Variants in CHD8 observed in about 807,000 individuals in gnomAD.
The protein encoded by CHD8 is chromodomain helicase DNA binding protein 8.
In CHD8, 31 loss-of-function variants were observed where a neutral mutation model predicts 279.2. The ratio of observed to expected loss-of-function variants is 0.11; its 90% CI spans 0.08 to 0.15. The LOEUF is 0.15. CHD8 is among the 10% of genes least tolerant of loss of function. The pLI, the probability that CHD8 is intolerant of heterozygous loss-of-function variation, is 1.00. For synonymous variants in CHD8, 1,081 were observed against 1,139.6 expected (o/e 0.95, Z 1.04); for missense variants, 2,146 against 3,230.5 (o/e 0.66, Z 8.14).
rs1026745828 is a variant in CHD8, at chr14:21,400,855, A to G, written c.4370+20T>C. Reference sequence around the variant, plus strand: ...GGAGATGCACTATGCACTACCTCTAATGGTAAGTTGGGGTCTTACCCATAT... The same window carrying G: ...GGAGATGCACTATGCACTACCTCTAGTGGTAAGTTGGGGTCTTACCCATAT... On this transcript the variant is annotated intron_variant, in intron 22 of 37. Coordinates refer to ENST00000646647, the MANE Select transcript of CHD8 (RefSeq NM_001170629.2). The surrounding 1 kb of genome is among the most constrained non-coding windows in gnomAD (Gnocchi z 4.2). 12 of 1,584,668 alleles carry G rather than the reference A, an allele frequency of 7.6e-6. No individual in the cohort carries two copies. The highest frequency in any genetic ancestry group is 3.6e-5 in the Admixed American group (2 of 55,048).
intron 10 of CHD8, among the ~76,000 whole-genome samples, chr14:21,410,885 C>A (rs1888463938): frequency 6.6e-6 from 1 of 152,146 alleles, no homozygotes; most frequent in Non-Finnish European, 1.5e-5. Flanking sequence ...CATAGTAACT[C>A]AGGTCACTCT....
intron 5 of CHD8, among the ~76,000 whole-genome samples, chr14:21,424,723 G>A (rs184158739): frequency 2.6e-4 from 40 of 152,152 alleles, no homozygotes; most frequent in African/African-American, 8.9e-4. Context: ...TGCCCGCCTC[G>A]GCCTCCCAAA....
At position 21,431,604 on chromosome 14, in the gene CHD8, A is replaced by T; in HGVS notation, c.40T>A (p.Leu14Ile). Residue 14 changes from leucine (L) to isoleucine (I), a missense_variant, in exon 2 of 38, where the codon TTA (leucine) becomes ATA (isoleucine). This residue lies in a region of CHD8 where 302 missense variants were observed against 325.5 expected (regional missense o/e 0.93). Coordinates refer to ENST00000646647, the MANE Select transcript of CHD8 (RefSeq NM_001170629.2). ...TCAGTCAGAGAGTCCAGGCCAAATAAATTTGGGTCATCGAACAGATCCATG... is the reference window on the plus strand; with the variant it reads ...TCAGTCAGAGAGTCCAGGCCAAATATATTTGGGTCATCGAACAGATCCATG... Reference protein sequence around the residue: ...PIMDLFDDPNLFGLDSLTDDS... With the variant: ...PIMDLFDDPNIFGLDSLTDDS... 6.5e-7 allele frequency: 1 copy of T among 1,537,450 alleles called. No individual in the cohort carries two copies. The highest frequency in any genetic ancestry group is 1.2e-5 in the South Asian group (1 of 84,080).
Position 21,385,370 on chromosome 14 carries a change from T to TA in CHD8, c.*242dup. ...GGAGGGGTGAGCACACCAGCTGCTC[T>TA]AGTCTCCTTTCCTTCCCCAGAAATG... On this transcript the variant is annotated 3_prime_UTR_variant, in exon 38 of 38. Transcript: ENST00000646647. 1.7e-6 allele frequency: 1 copy of TA among 585,998 alleles called. No individual in the cohort carries two copies. Among genetic ancestry groups the TA allele is most frequent in the East Asian group, 3.1e-5 (1 of 32,364 alleles). The allele number at this position is 585,998 out of a possible 1,614,324, so 36.3% of individuals were successfully genotyped here.
chr14:21,415,249 TCA>T lies in CHD8; in HGVS notation c.1969-258_1969-257del. ...CTGTTTTCTAGCTAACTTTCCTCCATCATCTCTCACAACTACACCTTAGCAAT... is the reference window on the plus strand; with the variant it reads ...CTGTTTTCTAGCTAACTTTCCTCCATTCTCTCACAACTACACCTTAGCAAT... On this transcript the variant is annotated intron_variant, in intron 7 of 37. Coordinates refer to ENST00000646647, the MANE Select transcript of CHD8 (RefSeq NM_001170629.2). 3 of 467,446 alleles carry T rather than the reference TCA, an allele frequency of 6.4e-6. No homozygotes were observed. The South Asian group carries it at 8.8e-5, about 14-fold the overall frequency. 29.0% of individuals were successfully genotyped at this position (467,446 alleles called of 1,614,324 possible). A position where few individuals can be genotyped will look rare whatever the true frequency, so the allele number is the denominator to read the frequency against.
intron 7 of CHD8, 43 bp from the exon 8 acceptor site, chr14:21,415,036 AAAAGAATG>A (rs1333307923): frequency 1.9e-5 from 25 of 1,345,560 alleles, no homozygotes; most frequent in Non-Finnish European, 2.6e-5. Flanking sequence ...CCTTATTTGT[AAAAGAATG>A]AACTTTTTAA....
rs1337210837 is a variant in CHD8, at chr14:21,419,376, T to TGG, written c.1717-3471_1717-3470dup. Among the ~76,000 whole-genome samples, 4 of 152,058 alleles carry TGG rather than the reference T, an allele frequency of 2.6e-5. No homozygotes were observed. In the East Asian group the frequency reaches 7.7e-4, roughly 29 times the overall value. On this transcript the variant is annotated intron_variant, in intron 5 of 37. Transcript: ENST00000646647. ...GAGTTCAAGACCAGCCTGAGCAACA[T>TGG]GGTGAAACCCCGTCTCTACTAAAAA... is the stretch of plus-strand genomic sequence containing the variant.
chr14:21,388,280 C>T (rs1030201669), intron 37 of CHD8, among the ~76,000 whole-genome samples: 1 of 152,066 alleles, frequency 6.6e-6, no homozygotes, highest in Non-Finnish European at 1.5e-5. Context: ...CCTTCCATAT[C>T]CATGGATTCA....
intron 1 of CHD8, among the ~76,000 whole-genome samples, chr14:21,444,055 T>C (rs1890055524): frequency 6.6e-6 from 1 of 152,154 alleles, no homozygotes; most frequent in African/African-American, 2.4e-5. Flanking sequence ...TATGGAAATA[T>C]AATGAGCTTT....
Position 21,402,901 on chromosome 14 carries a change from C to T in CHD8, c.3714+116G>A. ...TGCTGATTCCCTGACCTAACTGCCA[C>T]CCTTAACTAAGGAAACAATTCCAAA... On this transcript the variant is annotated intron_variant, in intron 18 of 37. Transcript: ENST00000646647. The surrounding 1 kb of genome is among the most constrained non-coding windows in gnomAD (Gnocchi z 4.5). 1 of 845,448 alleles carries T rather than the reference C, an allele frequency of 1.2e-6. No homozygotes were observed. The highest frequency in any genetic ancestry group is 1.9e-5 in the South Asian group (1 of 52,576). The allele number at this position is 845,448 out of a possible 1,614,324, so 52.4% of individuals were successfully genotyped here.
intron 37 of CHD8, among the ~76,000 whole-genome samples, chr14:21,386,611 G>A (rs1887251112): frequency 6.6e-6 from 1 of 152,170 alleles, no homozygotes; most frequent in South Asian, 2.1e-4. Flanking sequence ...GCCGAGGCGG[G>A]GGAATCACAA....
Position 21,393,591 on chromosome 14 carries a change from A to ATCATCC in CHD8, c.6198_6203dup (p.Glu2066_Asp2067dup), listed in dbSNP as rs1201738158. The ATCATCC allele has an allele frequency of 6.2e-7, 1 of 1,613,778 alleles. No homozygotes were observed. The highest frequency in any genetic ancestry group is 8.5e-7 in the Non-Finnish European group (1 of 1,179,826). ...TGCTCAAGTCCAGCTCAGAGTCCGA[A>ATCATCC]TCATCCTCATCCTCCAGTTTGACTG... On this transcript the variant is annotated inframe_insertion, in exon 32 of 38. Coordinates refer to ENST00000646647, the MANE Select transcript of CHD8 (RefSeq NM_001170629.2).
chr14:21,401,382 T>C (rs1271366804), intron 21 of CHD8, 21 bp downstream of exon 21: 8 of 1,430,252 alleles, frequency 5.6e-6, no homozygotes, highest in African/African-American at 2.9e-5. Context: ...CGATACTTCC[T>C]CCCTAAAAGA....
rs773195089 is a variant in CHD8 at position 21,405,183 on chromosome 14, C to A, written c.3307+26G>T. 4 of 1,607,122 alleles carry A rather than the reference C, an allele frequency of 2.5e-6. No homozygotes were observed. The Admixed American group carries it at 5.0e-5, about 20-fold the overall frequency. On this transcript the variant is annotated intron_variant, in intron 16 of 37. Transcript: ENST00000646647. This position sits in a 1 kb window ranked among gnomAD's most constrained non-coding sequence, Gnocchi z 4.2. ...AGTAAACACAGGTACTACAGAAGTT[C>A]AGGTATATACCAAGCATTCCCTCAC...
intron 3 of CHD8, among the ~76,000 whole-genome samples, chr14:21,428,572 T>C (rs1197449137): frequency 6.6e-6 from 1 of 152,154 alleles, no homozygotes; most frequent in Non-Finnish European, 1.5e-5. Context: ...GTAAAAAAAT[T>C]CAAATTCTAC....
chr14:21,391,287 T>C (rs767765928), intron 36 of CHD8, among the ~76,000 whole-genome samples, 176 bp downstream of exon 36: 2 of 152,212 alleles, frequency 1.3e-5, no homozygotes, highest in Non-Finnish European at 2.9e-5. Context: ...ACTTCAACAT[T>C]ATTTTATTTT....
In CHD8 at chr14:21,401,129, A is replaced by G. The variant is rs924715987; in HGVS notation, c.4174-58T>C. ...TTCCTGATTTGCTCATGGGAAAAGA[A>G]TAAGACAATTAGGGATTACAATAAC... On this transcript the variant is annotated intron_variant, in intron 21 of 37. Coordinates refer to ENST00000646647, the MANE Select transcript of CHD8 (RefSeq NM_001170629.2). The G allele has an allele frequency of 1.2e-5, 15 of 1,278,966 alleles. No individual in the cohort carries two copies. In the Admixed American group the frequency reaches 1.8e-4, roughly 16 times the overall value. The allele number at this position is 1,278,966 out of a possible 1,614,324, so 79.2% of individuals were successfully genotyped here. A position where few individuals can be genotyped will look rare whatever the true frequency, so the allele number is the denominator to read the frequency against.
chr14:21,432,853 T>C (rs1237314118), intron 1 of CHD8, among the ~76,000 whole-genome samples: 1 of 152,232 alleles, frequency 6.6e-6, no homozygotes, highest in Non-Finnish European at 1.5e-5. Flanking sequence ...ATATTTAATA[T>C]TTTATTATAA....
At position 21,400,440 on chromosome 14, in the gene CHD8, T is replaced by G. The variant is rs1394053040; in HGVS notation, c.4543A>C (p.Lys1515Gln). The G allele has an allele frequency of 3.1e-6, 5 of 1,601,396 alleles. No homozygotes were observed. The Middle Eastern group carries it at 5.0e-4, about 161-fold the overall frequency. The change falls in exon 23 of 38, where the codon AAG becomes CAG. Residue 1515 changes from lysine to glutamine, a missense_variant. Around this residue, in one of 26 missense-constraint regions of CHD8, gnomAD observed 73 missense variants for 153.2 expected, o/e 0.48. Transcript: ENST00000646647. This position sits in a 1 kb window ranked among gnomAD's most constrained non-coding sequence, Gnocchi z 4.2. ...WDLISPAENG[K>Q]TKELQNHSGL... is the part of the protein sequence containing the mutation. Reference sequence around the variant, plus strand: ...GAATGATTCTGCAATTCTTTTGTCTTGCCATTTTCAGCTGGGCTAATCAAG... The same window carrying G: ...GAATGATTCTGCAATTCTTTTGTCTGGCCATTTTCAGCTGGGCTAATCAAG...
Sources: allele counts gnomAD v4.1 joint callset (sites outside exome capture counted in the v4.1 genomes callset), GRCh38; gene constraint gnomAD v4.1.1; regional missense constraint gnomAD v4.1.1; non-coding constraint Gnocchi (gnomAD v3.1); transcripts MANE v1.5; gene names NCBI Gene and HGNC (gene_info 2026-07-23, HGNC 2026-07-21).